ANXA8: variants seen among roughly 807,000 people sequenced by gnomAD.
ANXA8 encodes the protein annexin A8, also known as VAC-beta.
A neutral mutation model predicts 26.8 loss-of-function variants in ANXA8; 9 were observed. The observed-to-expected ratio is 0.34, with a 90% CI of 0.20 to 0.59. The LOEUF is 0.59. Among genes scored for constraint, ANXA8 ranks in the 20% least tolerant of loss-of-function variants. The probability of loss-of-function intolerance (pLI) is 0.84; values close to 1 mark genes in which losing one functional copy is unlikely to be tolerated. For missense variants in ANXA8, 83 were observed against 238.5 expected, an observed-to-expected ratio of 0.35 and a Z score of 4.29; for synonymous variants, 39 against 94.8, an observed-to-expected ratio of 0.41 and a Z score of 3.42.
At chr10:47,978,293 A>G in the ANXA8 span, among the ~76,000 whole-genome samples, 1 of 150,942 alleles carries the variant, frequency 6.6e-6, no homozygotes, top group African/African-American at 2.4e-5. Context: ...GATCTTCCCT[A>G]CAAGAAATAC....
the ANXA8 span, among the ~76,000 whole-genome samples, chr10:47,554,124 A>AATAAATAAATAT: frequency 7.0e-6 from 1 of 143,736 alleles, no homozygotes; most frequent in Non-Finnish European, 1.5e-5. Context: ...TAAATAAATA[A>AATAAATAAATAT]ATAAATAAAT....
At chr10:47,982,394 T>C in the ANXA8 span, among the ~76,000 whole-genome samples, 2 of 151,190 alleles carry the variant, frequency 1.3e-5, no homozygotes, top group East Asian at 1.9e-4. Flanking sequence ...TGTAATAGAA[T>C]TGAAAATCCA....
At chr10:47,894,625 C>CA in the ANXA8 span, among the ~76,000 whole-genome samples, 7 of 82,892 alleles carry the variant, frequency 8.4e-5, no homozygotes, top group African/African-American at 2.5e-4. Context: ...ACTACACACA[C>CA]CACACACTAC....
chr10:47,558,239 G>A, the ANXA8 span, among the ~76,000 whole-genome samples: 2 of 151,952 alleles, frequency 1.3e-5, no homozygotes, highest in Non-Finnish European at 2.9e-5. Flanking sequence ...TACTGAGATA[G>A]ATAAATAATA....
the ANXA8 span, among the ~76,000 whole-genome samples, chr10:47,954,292 A>T: frequency 2.6e-5 from 4 of 151,122 alleles, no homozygotes; most frequent in African/African-American, 9.8e-5. Flanking sequence ...AAAAAGGCAC[A>T]GAAACACAAA....
the ANXA8 span, among the ~76,000 whole-genome samples, chr10:47,949,121 TACACAC>T: frequency 2.2e-4 from 3 of 13,572 alleles, no homozygotes; most frequent in African/African-American, 4.1e-4. Flanking sequence ...GCCAATTCCT[TACACAC>T]ACACACACAC....
the ANXA8 span, among the ~76,000 whole-genome samples, chr10:47,704,754 AAAGG>A: frequency 6.6e-6 from 1 of 152,062 alleles, no homozygotes; most frequent in South Asian, 2.1e-4. Context: ...TAACAATAAC[AAAGG>A]AAGCTGTCAT....
chr10:47,971,182 C>T, the ANXA8 span, among the ~76,000 whole-genome samples: 1 of 150,894 alleles, frequency 6.6e-6, no homozygotes, highest in Non-Finnish European at 1.5e-5. Flanking sequence ...CAAATACGGT[C>T]TATGGGCTTT....
At chr10:47,687,753 G>C in the ANXA8 span, among the ~76,000 whole-genome samples, 2 of 151,844 alleles carry the variant, frequency 1.3e-5, no homozygotes, top group African/African-American at 2.4e-5. Flanking sequence ...AGGATTAAAT[G>C]AGGTTGGAAT....
chr10:47,587,790 G>A, the ANXA8 span, among the ~76,000 whole-genome samples: 2 of 146,464 alleles, frequency 1.4e-5, no homozygotes, highest in African/African-American at 5.5e-5. Flanking sequence ...GAAGGAGACA[G>A]AATAAGAAGA....
At chr10:47,487,395 G>C, upstream of ANXA8, 2 of 1,060,968 alleles carry the variant, frequency 1.9e-6, no homozygotes, top group South Asian at 3.1e-5. Context: ...CTTTCTTTAT[G>C]GCTTCAGCAA....
the ANXA8 span, among the ~76,000 whole-genome samples, chr10:47,702,555 G>T: frequency 6.6e-6 from 1 of 151,316 alleles, no homozygotes; most frequent in East Asian, 2.0e-4. Flanking sequence ...TGGCCAGGCT[G>T]GTCTTGAACT....
chr10:47,546,625 C>A, the ANXA8 span, among the ~76,000 whole-genome samples: 4 of 135,924 alleles, frequency 2.9e-5, no homozygotes, highest in Admixed American at 7.6e-5. Flanking sequence ...CCAGGATGGT[C>A]TCGATCTCCT....
chr10:47,554,136 A>AATAAATAAATAC, the ANXA8 span, among the ~76,000 whole-genome samples: 1 of 142,114 alleles, frequency 7.0e-6, no homozygotes. Context: ...TAAATAAATA[A>AATAAATAAATAC]ATAAATAAAT....
chr10:47,744,476 A>G, the ANXA8 span, among the ~76,000 whole-genome samples: 1 of 134,420 alleles, frequency 7.4e-6, no homozygotes, highest in South Asian at 2.6e-4. Context: ...GCTGATGTAC[A>G]AAGACCTACT....
the ANXA8 span, among the ~76,000 whole-genome samples, chr10:47,626,518 T>A: frequency 6.7e-6 from 1 of 149,866 alleles, no homozygotes; most frequent in South Asian, 2.1e-4. Context: ...AAGGAAAGAT[T>A]TTATTCAGTT....
At chr10:47,527,449 CAA>C in the ANXA8 span, among the ~76,000 whole-genome samples, 1 of 133,556 alleles carries the variant, frequency 7.5e-6, no homozygotes, top group Admixed American at 7.6e-5. Context: ...CACTGGGAGT[CAA>C]GAGACATGTA....
At chr10:47,743,329 C>CATATATATATACATAT in the ANXA8 span, among the ~76,000 whole-genome samples, 1 of 47,788 alleles carries the variant, frequency 2.1e-5, no homozygotes, top group African/African-American at 7.1e-5. Context: ...TATATATATA[C>CATATATATATACATAT]ATATATATAT....
the ANXA8 span, among the ~76,000 whole-genome samples, chr10:47,909,008 TACACACAC>T: frequency 2.7e-5 from 2 of 73,156 alleles, no homozygotes; most frequent in Admixed American, 1.4e-4. Flanking sequence ...GTGATGTATG[TACACACAC>T]ACACACACAC....
Sources: gnomAD v4.1 joint callset for allele counts (sites outside exome capture counted in the v4.1 genomes callset) on GRCh38, gnomAD v4.1.1 for gene constraint, MANE v1.5 for transcripts, NCBI Gene and HGNC (gene_info 2026-07-23, HGNC 2026-07-21) for gene names.